The following MYRIP variants were observed in gnomAD, a reference collection of about 807,000 sequenced individuals.
MYRIP encodes the protein myosin VIIA and Rab interacting protein, also known as rab effector MyRIP.
Under a neutral mutation model 98.0 loss-of-function variants are expected in MYRIP, and 49 were observed. The ratio of observed to expected loss-of-function variants is 0.50; its 90% CI spans 0.40 to 0.63. The LOEUF is 0.63. Among genes scored for constraint, MYRIP ranks in the 30% least tolerant of loss-of-function variants. The probability of loss-of-function intolerance (pLI) is 0.00; values close to 1 mark genes in which losing one functional copy is unlikely to be tolerated. For synonymous variants in MYRIP, 404 were observed against 409.5 expected, an observed-to-expected ratio of 0.99 and a Z score of 0.16; for missense variants, 1,004 against 1,058.2, an observed-to-expected ratio of 0.95 and a Z score of 0.71.
Position 40,189,904 on chromosome 3 carries a change from T to A in MYRIP, c.1106T>A (p.Leu369Gln). 4 of 1,614,168 alleles carry A rather than the reference T, an allele frequency of 2.5e-6. No individual in the cohort carries two copies. The highest frequency in any genetic ancestry group is 3.4e-6 in the Non-Finnish European group (4 of 1,180,018). The change falls in exon 10 of 17, where the codon CTG becomes CAG. Residue 369 changes from leucine to glutamine, a missense_variant. Coordinates refer to ENST00000302541, the MANE Select transcript of MYRIP (RefSeq NM_015460.4). ...KDGAPPPTRL[L>Q]AKPKSGTFQA... is the part of the protein sequence containing the mutation. ...GGCGCTCCACCCCCCACCCGACTAC[T>A]GGCCAAACCTAAGAGCGGGACGTTT...
chr3:40,193,415 T>C (rs1336408485), intron 10 of MYRIP, among the ~76,000 whole-genome samples: 1 of 152,222 alleles, frequency 6.6e-6, no homozygotes, highest in African/African-American at 2.4e-5. Flanking sequence ...ACCCCCTTGG[T>C]TCACCACTGT....
chr3:40,252,048 ACCTC>A, intron 16 of MYRIP, 49 bp downstream of exon 16: 1 of 1,370,866 alleles, frequency 7.3e-7, no homozygotes, highest in Non-Finnish European at 1.0e-6. Flanking sequence ...TGTTGATGGT[ACCTC>A]CACTCTGCAG....
intron 16 of MYRIP, among the ~76,000 whole-genome samples, chr3:40,254,624 A>G (rs1271466141): frequency 6.6e-6 from 1 of 152,166 alleles, no homozygotes; most frequent in Non-Finnish European, 1.5e-5. Context: ...TGGGGGAGGC[A>G]TATAGCTTTT....
chr3:39,941,518 T>TATAC (rs1553648089), intron 2 of MYRIP, among the ~76,000 whole-genome samples: 1 of 151,086 alleles, frequency 6.6e-6, no homozygotes, highest in African/African-American at 2.4e-5. Context: ...TGTATATATA[T>TATAC]ACACACACAC....
At chr3:40,228,481 G>A (rs978033727) in intron 11 of MYRIP, among the ~76,000 whole-genome samples, 1 of 152,154 alleles carries the variant, frequency 6.6e-6, no homozygotes, top group African/African-American at 2.4e-5. Context: ...GGGTAAGGAG[G>A]CCCTTCACAA....
chr3:40,073,626 C>A (rs1022474104), intron 3 of MYRIP, among the ~76,000 whole-genome samples: 1 of 152,244 alleles, frequency 6.6e-6, no homozygotes, highest in Non-Finnish European at 1.5e-5. Context: ...ATTGCCTCTG[C>A]GTATCTCTTA....
chr3:39,948,267 G>A (rs182685991), intron 2 of MYRIP, among the ~76,000 whole-genome samples: 2 of 151,948 alleles, frequency 1.3e-5, no homozygotes, highest in East Asian at 3.9e-4. Context: ...CCTCATCCTG[G>A]GACTCAAAAA....
At chr3:39,961,618 T>G (rs572966793) in intron 2 of MYRIP, among the ~76,000 whole-genome samples, 1 of 152,206 alleles carries the variant, frequency 6.6e-6, no homozygotes, top group Admixed American at 6.5e-5. Context: ...TGGCCTTACT[T>G]CCTGACCTTG....
chr3:40,167,292 C>T, intron 7 of MYRIP, 53 bp downstream of exon 7: 1 of 1,521,640 alleles, frequency 6.6e-7, no homozygotes, highest in Admixed American at 1.7e-5. Context: ...GGGCCTGGTG[C>T]AGGGACTCTG....
At chr3:39,825,212 A>G (rs1047461626) in intron 1 of MYRIP, among the ~76,000 whole-genome samples, 1 of 152,142 alleles carries the variant, frequency 6.6e-6, no homozygotes, top group African/African-American at 2.4e-5. Flanking sequence ...TGCTCTTACT[A>G]GTACTTCCAG....
intron 3 of MYRIP, among the ~76,000 whole-genome samples, chr3:40,149,789 A>T (rs1950082093): frequency 1.3e-5 from 2 of 152,180 alleles, no homozygotes; most frequent in African/African-American, 2.4e-5. Context: ...TATCATTGCC[A>T]AAATCTCTGA....
At chr3:40,126,188 A>T (rs968531064) in intron 3 of MYRIP, among the ~76,000 whole-genome samples, 1 of 152,190 alleles carries the variant, frequency 6.6e-6, no homozygotes, top group African/African-American at 2.4e-5. Flanking sequence ...GCAGCATCAC[A>T]TCACCTGAGA....
intron 3 of MYRIP, among the ~76,000 whole-genome samples, chr3:40,095,817 C>A (rs1357284299): frequency 6.6e-6 from 1 of 151,730 alleles, no homozygotes; most frequent in African/African-American, 2.4e-5. Context: ...ACATACTCCA[C>A]AGACCCTCTT....
At chr3:39,867,945 T>A (rs1252197740) in intron 1 of MYRIP, among the ~76,000 whole-genome samples, 1 of 152,162 alleles carries the variant, frequency 6.6e-6, no homozygotes, top group African/African-American at 2.4e-5. Context: ...GAGATTGATA[T>A]CAAATACAAT....
chr3:39,906,134 G>A (rs536380727), intron 2 of MYRIP, among the ~76,000 whole-genome samples: 6 of 152,078 alleles, frequency 3.9e-5, no homozygotes, highest in Admixed American at 3.9e-4. Flanking sequence ...CTGAGCCTCA[G>A]AGGTCAAAAT....
intron 2 of MYRIP, among the ~76,000 whole-genome samples, chr3:39,970,460 ATG>A (rs1207506239): frequency 1.3e-5 from 2 of 151,840 alleles, no homozygotes; most frequent in Non-Finnish European, 2.9e-5. Context: ...ACATATGTGT[ATG>A]TGTGTGTGTG....
intron 11 of MYRIP, among the ~76,000 whole-genome samples, chr3:40,218,244 C>T (rs1952184239): frequency 6.6e-6 from 1 of 151,940 alleles, no homozygotes; most frequent in South Asian, 2.1e-4. Flanking sequence ...AGCTCACCAG[C>T]TGGTGAACGA....
intron 2 of MYRIP, among the ~76,000 whole-genome samples, chr3:40,035,756 A>G (rs1162486385): frequency 6.6e-6 from 1 of 151,978 alleles, no homozygotes; most frequent in African/African-American, 2.4e-5. Context: ...TAAAAGAAGT[A>G]TATTTAAAAT....
At chr3:39,976,499 G>T (rs1559544835) in intron 2 of MYRIP, among the ~76,000 whole-genome samples, 1 of 152,178 alleles carries the variant, frequency 6.6e-6, no homozygotes, top group Non-Finnish European at 1.5e-5. Flanking sequence ...ATTCCTCAGG[G>T]ATCTAGAACT....
Sources: allele counts gnomAD v4.1 joint callset (sites outside exome capture counted in the v4.1 genomes callset), GRCh38; gene constraint gnomAD v4.1.1; transcripts MANE v1.5; gene names NCBI Gene and HGNC (gene_info 2026-07-23, HGNC 2026-07-21).